MDGA2: variants seen among roughly 807,000 people sequenced by gnomAD.
The protein encoded by MDGA2 is MAM domain-containing glycosylphosphatidylinositol anchor protein 2.
In MDGA2, 40 loss-of-function variants were observed where a neutral mutation model predicts 117.8. The observed-to-expected ratio is 0.34, with a 90% CI of 0.26 to 0.44. The LOEUF is 0.44. MDGA2 is among the 20% of genes least tolerant of loss of function. The probability of loss-of-function intolerance (pLI) is 1.00; values close to 1 mark genes in which losing one functional copy is unlikely to be tolerated. For missense variants in MDGA2, 1,123 were observed against 1,250.6 expected (o/e 0.90, Z 1.54); for synonymous variants, 452 against 439.0 (o/e 1.03, Z -0.37).
intron 1 of MDGA2, among the ~76,000 whole-genome samples, chr14:47,440,957 G>A (rs1201468180): frequency 6.6e-6 from 1 of 152,062 alleles, no homozygotes; most frequent in African/African-American, 2.4e-5. Flanking sequence ...TTTGGGGACT[G>A]CAAATACACA....
At chr14:47,285,648 G>C (rs1465611550) in intron 2 of MDGA2, among the ~76,000 whole-genome samples, 1 of 151,976 alleles carries the variant, frequency 6.6e-6, no homozygotes, top group Non-Finnish European at 1.5e-5. Context: ...AGTCCAAGCT[G>C]GGTAGTAAAA....
intron 2 of MDGA2, among the ~76,000 whole-genome samples, chr14:47,266,437 G>A (rs1261597305): frequency 6.6e-6 from 1 of 152,096 alleles, no homozygotes; most frequent in Non-Finnish European, 1.5e-5. Flanking sequence ...ATGTAACTAC[G>A]AGTCTTCTAC....
At chr14:47,439,424 C>G (rs1485049389) in intron 1 of MDGA2, among the ~76,000 whole-genome samples, 2 of 152,020 alleles carry the variant, frequency 1.3e-5, no homozygotes, top group Non-Finnish European at 2.9e-5. Flanking sequence ...GCATAGCAAT[C>G]AGTATCCAAC....
chr14:47,612,649 C>A (rs947300042), intron 1 of MDGA2, among the ~76,000 whole-genome samples: 18 of 152,068 alleles, frequency 1.2e-4, no homozygotes, highest in African/African-American at 3.9e-4. Context: ...TGCTTCTATA[C>A]CTTCTCCAAG....
chr14:47,363,367 C>T (rs1891166390), intron 1 of MDGA2, among the ~76,000 whole-genome samples: 1 of 152,124 alleles, frequency 6.6e-6, no homozygotes, highest in South Asian at 2.1e-4. Context: ...AAGCAATTCT[C>T]CTGCCTGAGC....
chr14:47,519,611 T>C (rs1894827087), intron 1 of MDGA2, among the ~76,000 whole-genome samples: 1 of 152,200 alleles, frequency 6.6e-6, no homozygotes. Context: ...AAGTTTTTAT[T>C]TGATTATTTT....
At chr14:47,360,354 A>T (rs867371303) in intron 1 of MDGA2, among the ~76,000 whole-genome samples, 19 of 140,004 alleles carry the variant, frequency 1.4e-4, no homozygotes, top group African/African-American at 5.0e-4. Flanking sequence ...TCCATCTCAA[A>T]AAATAAATAA....
At chr14:46,994,438 C>A (rs1887210167) in intron 8 of MDGA2, among the ~76,000 whole-genome samples, 1 of 152,042 alleles carries the variant, frequency 6.6e-6, no homozygotes, top group Non-Finnish European at 1.5e-5. Context: ...TGTCCTCAAG[C>A]TTTGCAGCTG....
intron 10 of MDGA2, among the ~76,000 whole-genome samples, chr14:46,901,767 G>C (rs1432579176): frequency 6.6e-6 from 1 of 152,178 alleles, no homozygotes. Flanking sequence ...TCCCTGCTAG[G>C]GTTTAAGGAT....
At chr14:47,529,616 C>A (rs769161549) in intron 1 of MDGA2, among the ~76,000 whole-genome samples, 1 of 151,908 alleles carries the variant, frequency 6.6e-6, no homozygotes, top group Admixed American at 6.6e-5. Context: ...TTTAAACATT[C>A]TTAGTGATCA....
chr14:47,457,622 T>G (rs891172387), intron 1 of MDGA2, among the ~76,000 whole-genome samples: 1 of 152,178 alleles, frequency 6.6e-6, no homozygotes, highest in Non-Finnish European at 1.5e-5. Flanking sequence ...CAATGTTAAC[T>G]CGACTGTTCT....
At chr14:47,614,827 T>C (rs1336814085) in intron 1 of MDGA2, among the ~76,000 whole-genome samples, 1 of 152,230 alleles carries the variant, frequency 6.6e-6, no homozygotes, top group African/African-American at 2.4e-5. Flanking sequence ...CTCTATCTCT[T>C]ACTTTTCTCT....
At chr14:47,424,701 A>C (rs1892649450) in intron 1 of MDGA2, among the ~76,000 whole-genome samples, 1 of 152,284 alleles carries the variant, frequency 6.6e-6, no homozygotes. Context: ...AGAGAGTCTT[A>C]CACAGGAGCA....
intron 8 of MDGA2, among the ~76,000 whole-genome samples, chr14:46,969,955 T>C (rs868339588): frequency 0.069 from 2,496 of 35,998 alleles, 83 homozygotes; most frequent in African/African-American, 0.14. Context: ...TATATATATA[T>C]ATATATATAT....
intron 8 of MDGA2, among the ~76,000 whole-genome samples, chr14:46,960,895 T>C (rs971363852): frequency 6.8e-6 from 1 of 146,868 alleles, no homozygotes; most frequent in Non-Finnish European, 1.5e-5. Context: ...TATACATATA[T>C]GTATATATAT....
At chr14:47,267,464 A>C (rs1392793642) in intron 2 of MDGA2, among the ~76,000 whole-genome samples, 1 of 152,084 alleles carries the variant, frequency 6.6e-6, no homozygotes, top group African/African-American at 2.4e-5. Context: ...TCCAATTTTT[A>C]ATTGTTATTT....
chr14:47,631,613 C>T (rs1226491964), intron 1 of MDGA2, among the ~76,000 whole-genome samples: 2 of 152,136 alleles, frequency 1.3e-5, no homozygotes, highest in African/African-American at 4.8e-5. Flanking sequence ...ATAATCTATT[C>T]ACACCAAAAT....
chr14:47,466,420 T>C (rs567625628), intron 1 of MDGA2, among the ~76,000 whole-genome samples: 1 of 152,210 alleles, frequency 6.6e-6, no homozygotes, highest in East Asian at 1.9e-4. Flanking sequence ...GAAAACCGAA[T>C]TGACAGATGG....
At chr14:47,513,424 G>T (rs1894684327) in intron 1 of MDGA2, among the ~76,000 whole-genome samples, 1 of 151,960 alleles carries the variant, frequency 6.6e-6, no homozygotes, top group African/African-American at 2.4e-5. Context: ...GGAAAATGTT[G>T]AATCATTTAA....
Sources: allele counts gnomAD v4.1 joint callset (sites outside exome capture counted in the v4.1 genomes callset), GRCh38; gene constraint gnomAD v4.1.1; transcripts MANE v1.5; gene names NCBI Gene and HGNC (gene_info 2026-07-23, HGNC 2026-07-21).